Variants in NEK5 observed in about 807,000 individuals in gnomAD.
The protein encoded by NEK5 is NIMA related kinase 5.
A neutral mutation model predicts 109.2 loss-of-function variants in NEK5; 88 were observed. The ratio of observed to expected loss-of-function variants is 0.81; its 90% CI spans 0.68 to 0.96. NEK5 has a LOEUF of 0.96. Ranked by LOEUF, NEK5 falls within the 40% of genes least tolerant of loss-of-function variation. NEK5 has a pLI of 0.00. For missense variants in NEK5, 834 were observed against 920.7 expected, an observed-to-expected ratio of 0.91 and a Z score of 1.22; for synonymous variants, 283 against 299.9, an observed-to-expected ratio of 0.94 and a Z score of 0.58.
In NEK5 at chr13:52,098,261, CAAATAAATAAAT is replaced by C. The variant is rs34554364; in HGVS notation, c.1026+1470_1026+1481del. Among the ~76,000 whole-genome samples the C allele has an allele frequency of 1.1e-3, 157 of 147,004 alleles. 1 individual carries two copies. Among genetic ancestry groups the C allele is most frequent in the South Asian group, 0.01 (46 of 4,416 alleles). ...TGGGTGACACAGCAGGACCCTCTTTCAAATAAATAAATAAATAAATAAATAAATAAATAAATA... is the reference window on the plus strand; with the variant it reads ...TGGGTGACACAGCAGGACCCTCTTTCAAATAAATAAATAAATAAATAAATA... On this transcript the variant is annotated intron_variant, in intron 12 of 23. Transcript: ENST00000684899.
intron 23 of NEK5, among the ~76,000 whole-genome samples, chr13:52,040,374 T>C (rs1470390400): frequency 6.6e-6 from 1 of 152,062 alleles, no homozygotes; most frequent in Non-Finnish European, 1.5e-5. Flanking sequence ...CGTGAGCCAC[T>C]GCACCCAGCC....
At chr13:52,066,528 G>A (rs536005123) in intron 20 of NEK5, among the ~76,000 whole-genome samples, 20 of 151,862 alleles carry the variant, frequency 1.3e-4, no homozygotes, top group Non-Finnish European at 2.6e-4. Flanking sequence ...TAACTCGGCC[G>A]GGTGCAGTGG....
At chr13:52,052,408 G>A (rs1217791542) in intron 22 of NEK5, among the ~76,000 whole-genome samples, 1 of 152,156 alleles carries the variant, frequency 6.6e-6, no homozygotes, top group African/African-American at 2.4e-5. Flanking sequence ...AACACTTGGA[G>A]GTTATGGGAA....
chr13:52,062,660 C>A (rs1319166392), intron 21 of NEK5, among the ~76,000 whole-genome samples: 1 of 152,050 alleles, frequency 6.6e-6, no homozygotes, highest in Non-Finnish European at 1.5e-5. Context: ...ACCTCATGAT[C>A]TGCCCACCTC....
In NEK5 at chr13:52,035,793, A is replaced by C. The variant is rs1449617733; in HGVS notation, c.*1155T>G. 6.6e-6 allele frequency: 1 copy of C among 152,186 alleles called. No individual in the cohort carries two copies. The highest frequency in any genetic ancestry group is 1.5e-5 in the Non-Finnish European group (1 of 68,040). The allele number at this position is 152,186 out of a possible 1,614,324, so 9.4% of individuals were successfully genotyped here. A position where few individuals can be genotyped will look rare whatever the true frequency, so the allele number is the denominator to read the frequency against. ...CAAAATGGCCATGGTCATTTAGTGC[A>C]TAATTAACACACCATGCCTTGTTGT... On this transcript the variant is annotated 3_prime_UTR_variant, in exon 24 of 24. Coordinates refer to ENST00000684899, the MANE Select transcript of NEK5 (RefSeq NM_001365552.1).
At position 52,075,836 on chromosome 13, in the gene NEK5, A is replaced by T. The variant is rs371390722; in HGVS notation, c.1654-10T>A. On this transcript the variant is annotated splice_polypyrimidine_tract_variant and intron_variant, in intron 18 of 23. Coordinates refer to ENST00000684899, the MANE Select transcript of NEK5 (RefSeq NM_001365552.1). Reference sequence around the variant, plus strand: ...CAAATTTTACCCCCTTCTAGGAGAAAGCAAAAAAAAAAAAAAAGTTTAGCA... The same window carrying T: ...CAAATTTTACCCCCTTCTAGGAGAATGCAAAAAAAAAAAAAAAGTTTAGCA... 3.8e-5 allele frequency: 56 copies of T among 1,470,736 alleles called. No homozygotes were observed. The African/African-American group carries it at 7.3e-4, about 19-fold the overall frequency. The allele number at this position is 1,470,736 out of a possible 1,614,324, so 91.1% of individuals were successfully genotyped here.
At chr13:52,055,908 G>C (rs748474498) in intron 22 of NEK5, among the ~76,000 whole-genome samples, 10 of 151,106 alleles carry the variant, frequency 6.6e-5, no homozygotes, top group Non-Finnish European at 5.9e-5. Context: ...GAAATAACCA[G>C]CTAACATCAT....
At chr13:52,123,555 G>A (rs1362735142) in intron 3 of NEK5, among the ~76,000 whole-genome samples, 1 of 152,164 alleles carries the variant, frequency 6.6e-6, no homozygotes, top group African/African-American at 2.4e-5. Flanking sequence ...GAAAGCATCT[G>A]TCCAGTGAAT....
intron 11 of NEK5, among the ~76,000 whole-genome samples, chr13:52,101,023 A>G (rs1031301432): frequency 8.5e-5 from 13 of 152,202 alleles, no homozygotes; most frequent in Non-Finnish European, 1.9e-4. Context: ...TCACAGCATC[A>G]AATGAATTAG....
rs762196008 is a variant in NEK5 at position 52,127,429 on chromosome 13, T to G, written c.54A>C (p.Ala18=). 1.9e-6 allele frequency: 3 copies of G among 1,613,394 alleles called. No individual in the cohort carries two copies. The East Asian group carries it at 6.7e-5, about 36-fold the overall frequency. The change falls in exon 3 of 24, where the codon GCA becomes GCC. Residue 18 remains alanine, a synonymous_variant. Transcript: ENST00000684899. ...KAIGQGAFGK[A]YLAKGKSDSK... is the part of the protein sequence containing the mutation. Reference sequence around the variant, plus strand: ...TATCTGATTTCCCTTTAGCTAAGTATGCTTTCCCGAAGGCACCTTGCCCGA... The same window carrying G: ...TATCTGATTTCCCTTTAGCTAAGTAGGCTTTCCCGAAGGCACCTTGCCCGA...
chr13:52,127,558 G>A (rs914838414), intron 2 of NEK5, 37 bp downstream of exon 2: 4 of 815,342 alleles, frequency 4.9e-6, no homozygotes, highest in African/African-American at 3.4e-5. Context: ...GACTAACAAA[G>A]TCAGAAAACT....
At chr13:52,098,437 T>G (rs1182687226) in intron 12 of NEK5, among the ~76,000 whole-genome samples, 1 of 152,152 alleles carries the variant, frequency 6.6e-6, no homozygotes, top group Non-Finnish European at 1.5e-5. Context: ...GGTTCTTAAT[T>G]TAACCATGAG....
rs1245808132 is a variant in NEK5, at chr13:52,036,956, G to A, written c.2491C>T (p.Gln831Ter). 3 of 984,672 alleles carry A rather than the reference G, an allele frequency of 3.0e-6. No individual in the cohort carries two copies. The highest frequency in any genetic ancestry group is 3.6e-6 in the Non-Finnish European group (3 of 829,420). 61.0% of individuals were successfully genotyped at this position (984,672 alleles called of 1,614,324 possible). A position where few individuals can be genotyped will look rare whatever the true frequency, so the allele number is the denominator to read the frequency against. The change falls in exon 24 of 24, where the codon CAA becomes TAA. Residue 831 changes from glutamine (Q) to a stop codon, truncating the protein, a stop_gained. Transcript: ENST00000684899. LOFTEE classifies it high-confidence loss of function. ...QGTSTTSQNI[Q>*]V ...AAGAAAAAGTACAATAATCACACTT[G>A]TATATTTTGACTGGTTGTTGATGTT...
In NEK5 at chr13:52,112,801, T is replaced by C. The variant is rs529669715; in HGVS notation, c.215-436A>G. On this transcript the variant is annotated intron_variant, in intron 4 of 23. Coordinates refer to ENST00000684899, the MANE Select transcript of NEK5 (RefSeq NM_001365552.1). ...CATATTTATATGGCACTTATTTATCTATGTTGTTGAATACAATAGAAACTC... is the reference window on the plus strand; with the variant it reads ...CATATTTATATGGCACTTATTTATCCATGTTGTTGAATACAATAGAAACTC... Among the ~76,000 whole-genome samples the C allele has an allele frequency of 7.9e-5, 12 of 152,334 alleles. No individual in the cohort carries two copies. In the South Asian group the frequency reaches 2.3e-3, roughly 29 times the overall value.
At chr13:52,115,297 G>T (rs1593997658) in intron 4 of NEK5, among the ~76,000 whole-genome samples, 1 of 149,632 alleles carries the variant, frequency 6.7e-6, no homozygotes, top group South Asian at 2.3e-4. Flanking sequence ...CACCGCGCCC[G>T]GCCGACAGAG....
chr13:52,080,103 G>C (rs1954962199), intron 17 of NEK5, among the ~76,000 whole-genome samples: 1 of 151,590 alleles, frequency 6.6e-6, no homozygotes, highest in African/African-American at 2.4e-5. Flanking sequence ...TATCCGCCCG[G>C]CAGCCACCCC....
intron 21 of NEK5, among the ~76,000 whole-genome samples, chr13:52,062,943 A>T (rs1954625600): frequency 6.6e-6 from 1 of 152,130 alleles, no homozygotes; most frequent in Non-Finnish European, 1.5e-5. Flanking sequence ...TGACCCGACA[A>T]CAATGACAAC....
intron 20 of NEK5, 32 bp downstream of exon 20, chr13:52,071,912 C>T: frequency 1.9e-6 from 3 of 1,605,240 alleles, no homozygotes; most frequent in Non-Finnish European, 2.6e-6. Context: ...AAAACAGTTC[C>T]TTCTCATTTA....
At chr13:52,046,481 TA>T (rs201537093) in intron 23 of NEK5, among the ~76,000 whole-genome samples, 513 of 135,130 alleles carry the variant, frequency 3.8e-3, no homozygotes, top group Middle Eastern at 7.5e-3. Flanking sequence ...CCTGTATGTT[TA>T]AAAAAAAAAA....
Sources: gnomAD v4.1 joint callset for allele counts (sites outside exome capture counted in the v4.1 genomes callset) on GRCh38, gnomAD v4.1.1 for gene constraint, MANE v1.5 for transcripts, NCBI Gene and HGNC (gene_info 2026-07-23, HGNC 2026-07-21) for gene names.